Variants in PBRM1 observed in about 807,000 individuals in gnomAD.
The protein encoded by PBRM1 is protein polybromo-1.
Under a neutral mutation model 194.5 loss-of-function variants are expected in PBRM1, and 27 were observed. That is an observed-to-expected ratio of 0.14 (90% CI 0.10 to 0.19). PBRM1 has a LOEUF of 0.19. Among genes scored for constraint, PBRM1 ranks in the 10% least tolerant of loss-of-function variants. The pLI is 1.00. For synonymous variants in PBRM1, 655 were observed against 693.2 expected (o/e 0.94, Z 0.87); for missense variants, 1,466 against 2,077.2 (o/e 0.71, Z 5.72).
intron 1 of PBRM1, 68 bp downstream of exon 2, chr3:52,679,506 A>G: frequency 7.0e-7 from 1 of 1,419,388 alleles, no homozygotes; most frequent in Non-Finnish European, 9.7e-7. Flanking sequence ...TAACAATTTT[A>G]CCATTAAAGG....
intron 8 of PBRM1, among the ~76,000 whole-genome samples, chr3:52,643,694 G>A (rs567246947): frequency 3.3e-5 from 5 of 152,298 alleles, no homozygotes; most frequent in South Asian, 2.1e-4. Context: ...AGTCCTGGCC[G>A]GGCGCAGTGG....
rs58430288 is a variant in PBRM1, at chr3:52,571,856, C to CAAAAAAAAAAAAAAA, written c.3691+4670_3691+4684dup. Among the ~76,000 whole-genome samples, 9 of 37,092 alleles carry CAAAAAAAAAAAAAAA rather than the reference C, an allele frequency of 2.4e-4. 4 individuals carry two copies. The highest frequency in any genetic ancestry group is 1.0e-3 in the African/African-American group (9 of 8,724). 24.3% of individuals were successfully genotyped at this position (37,092 alleles called of 152,430 possible). A position where few individuals can be genotyped will look rare whatever the true frequency, so the allele number is the denominator to read the frequency against. On this transcript the variant is annotated intron_variant, in intron 22 of 29. Coordinates refer to ENST00000296302, the Ensembl canonical transcript of PBRM1. Reference sequence around the variant, plus strand: ...GAGCAAGAGGGATACCTCATCTCCCCAAAAAAAAAAAAAAAAAAAAAAAAA... The same window carrying CAAAAAAAAAAAAAAA: ...GAGCAAGAGGGATACCTCATCTCCCCAAAAAAAAAAAAAAAAAAAAAAAAAAAAAAAAAAAAAAAA...
intron 12 of PBRM1, among the ~76,000 whole-genome samples, chr3:52,627,701 T>C (rs1652118026): frequency 6.6e-6 from 1 of 152,120 alleles, no homozygotes; most frequent in African/African-American, 2.4e-5. Context: ...TAAAACCAAC[T>C]CAAAGAGGGC....
chr3:52,648,429 T>C lies in PBRM1; in HGVS notation c.728A>G (p.Lys243Arg), dbSNP rs775203392. 1.9e-6 allele frequency: 3 copies of C among 1,597,592 alleles called. No individual in the cohort carries two copies. In the South Asian group the frequency reaches 3.3e-5, roughly 18 times the overall value. ...ATCTTTGGCCATTGCATGAATACTT[T>C]TGTAGCTTCCATTCTACAATAAACA... Residue 243 changes from lysine to arginine, a missense_variant, in exon 7 of 30, where the codon AAA becomes AGA. By Grantham distance (26) the Lys-to-Arg change is conservative (BLOSUM62 2). Transcript: ENST00000296302.
At chr3:52,549,486 T>C (rs1440940947) in intron 29 of PBRM1, among the ~76,000 whole-genome samples, 6 of 152,134 alleles carry the variant, frequency 3.9e-5, no homozygotes, top group Non-Finnish European at 5.9e-5. Flanking sequence ...TCTATACTAA[T>C]GTCCAAATGC....
chr3:52,619,778 A>C (rs2095179812), intron 13 of PBRM1, among the ~76,000 whole-genome samples: 1 of 152,254 alleles, frequency 6.6e-6, no homozygotes, highest in Admixed American at 6.5e-5. Context: ...AGAAAAATCA[A>C]GAATTAACAG....
chr3:52,580,535 T>G (rs2090885710), intron 20 of PBRM1, among the ~76,000 whole-genome samples: 1 of 152,072 alleles, frequency 6.6e-6, no homozygotes, highest in Admixed American at 6.5e-5. Context: ...ATTTTTTTTT[T>G]GTATTTTTAG....
chr3:52,675,054 C>T (rs1433715898), intron 2 of PBRM1, among the ~76,000 whole-genome samples: 1 of 152,032 alleles, frequency 6.6e-6, no homozygotes, highest in East Asian at 1.9e-4. Flanking sequence ...GGAGACATTA[C>T]AACCAATGCC....
downstream of PBRM1, chr3:52,545,895 C>T (rs1160183037): frequency 4.3e-6 from 1 of 232,650 alleles, no homozygotes; most frequent in Non-Finnish European, 8.5e-6. Flanking sequence ...ATCTTATATC[C>T]TAAATATTAA....
In PBRM1 at chr3:52,637,773, C is replaced by CAAAAAAAAAAAAAAAAAAAAAAA. The variant is rs755241328; in HGVS notation, c.1088-2981_1088-2959dup. ...CAAAACCATGTCTCTACTAAAAATA[C>CAAAAAAAAAAAAAAAAAAAAAAA]AAAAAAAAAAAAAAAAAAAAAAAAT... On this transcript the variant is annotated intron_variant, in intron 10 of 29. Transcript: ENST00000296302. Among the ~76,000 whole-genome samples the CAAAAAAAAAAAAAAAAAAAAAAA allele has an allele frequency of 1.7e-3, 71 of 42,228 alleles. 4 individuals carry two copies. Among genetic ancestry groups the CAAAAAAAAAAAAAAAAAAAAAAA allele is most frequent in the Admixed American group, 2.4e-3 (7 of 2,930 alleles). The allele number at this position is 42,228 out of a possible 152,430, so 27.7% of individuals were successfully genotyped here. A position where few individuals can be genotyped will look rare whatever the true frequency, so the allele number is the denominator to read the frequency against.
intron 20 of PBRM1, among the ~76,000 whole-genome samples, chr3:52,580,583 T>C (rs1200769129): frequency 6.6e-6 from 1 of 152,072 alleles, no homozygotes; most frequent in Non-Finnish European, 1.5e-5. Flanking sequence ...AGGATGGTCT[T>C]GATCTCCTGA....
intron 5 of PBRM1, among the ~76,000 whole-genome samples, chr3:52,655,684 A>C (rs1209082134): frequency 1.3e-5 from 2 of 152,300 alleles, no homozygotes; most frequent in African/African-American, 4.8e-5. Context: ...CATATGACCA[A>C]TATTAATAAT....
At chr3:52,549,949 G>A (rs942830133) in intron 29 of PBRM1, among the ~76,000 whole-genome samples, 1 of 150,140 alleles carries the variant, frequency 6.7e-6, no homozygotes, top group African/African-American at 2.4e-5. Context: ...CAGGCACAGT[G>A]GCTCACGCCT....
intron 22 of PBRM1, 51 bp from the exon 25 acceptor site, chr3:52,564,284 TACTA>T (rs537303849): frequency 1.0e-4 from 128 of 1,283,852 alleles, no homozygotes; most frequent in Non-Finnish European, 1.3e-4. Flanking sequence ...TGGTCATAGT[TACTA>T]ACTGTTTTAA....
At chr3:52,584,862 G>A (rs920761032) in intron 20 of PBRM1, among the ~76,000 whole-genome samples, 1 of 152,068 alleles carries the variant, frequency 6.6e-6, no homozygotes, top group Non-Finnish European at 1.5e-5. Flanking sequence ...CCTTTGTCCA[G>A]TGTGTAAATT....
In PBRM1 at chr3:52,660,067, G is replaced by A. The variant is rs146224581; in HGVS notation, c.529-1752C>T. Among the ~76,000 whole-genome samples the A allele has an allele frequency of 3.9e-5, 6 of 152,278 alleles. No individual in the cohort carries two copies. The East Asian group carries it at 1.2e-3, about 29-fold the overall frequency. On this transcript the variant is annotated intron_variant, in intron 4 of 29. Coordinates refer to ENST00000296302, the Ensembl canonical transcript of PBRM1. ...GATCGTGCCATTGCACTCCAGCCTG[G>A]GCCAAAGAGCAAGACACTGTCTCAA...
chr3:52,634,483 T>TAA, intron 11 of PBRM1, 119 bp downstream of exon 12: 3 of 662,906 alleles, frequency 4.5e-6, no homozygotes, highest in East Asian at 2.7e-5. Flanking sequence ...AATTTGAGGT[T>TAA]AAAAAAAAAC....
chr3:52,561,819 C>T (rs1383905051), exon 25 of PBRM1: 3 of 1,614,160 alleles, frequency 1.9e-6, no homozygotes, highest in East Asian at 2.2e-5. Flanking sequence ...CTGTCCCCAC[C>T]AGGCGGCTGA....
intron 3 of PBRM1, among the ~76,000 whole-genome samples, chr3:52,664,837 G>C (rs2153961876): frequency 6.6e-6 from 1 of 152,090 alleles, no homozygotes; most frequent in South Asian, 2.1e-4. Flanking sequence ...CACCCAATCA[G>C]AGTTACTACA....
Sources: allele counts gnomAD v4.1 joint callset (sites outside exome capture counted in the v4.1 genomes callset), GRCh38; gene constraint gnomAD v4.1.1; transcripts MANE v1.5; gene names NCBI Gene and HGNC (gene_info 2026-07-23, HGNC 2026-07-21).